Variants in GNL3L observed in about 807,000 individuals in gnomAD.
GNL3L encodes G protein nucleolar 3 like, also known as guanine nucleotide-binding protein-like 3-like protein.
Under a neutral mutation model 42.9 loss-of-function variants are expected in GNL3L, and 4 were observed. The observed-to-expected ratio is 0.09, with a 90% confidence interval of 0.05 to 0.21. The LOEUF is 0.21. GNL3L is among the 10% of genes least tolerant of loss of function. The pLI is 1.00. For missense variants in GNL3L, 412 were observed against 481.7 expected, an observed-to-expected ratio of 0.86 and a Z score of 1.36; for synonymous variants, 159 against 176.3, an observed-to-expected ratio of 0.90 and a Z score of 0.78.
At chrX:54,589,083 G>T (rs1329531872) in intron 16 of GNL3L, among the ~76,000 whole-genome samples, 2 of 110,790 alleles carry the variant, frequency 1.8e-5, no homozygotes, top group Non-Finnish European at 3.8e-5. Flanking sequence ...GAGATGTTTT[G>T]ATACAGGCAT....
chrX:54,631,448 T>C, the GNL3L span, among the ~76,000 whole-genome samples: 44 of 111,086 alleles, frequency 4.0e-4, no homozygotes, highest in Non-Finnish European at 7.0e-4. Context: ...AGCACTTATA[T>C]ATAAAAGTGC....
rs769448245 is a variant in GNL3L, at chrX:54,565,715, C to CT, written c.*5115dup. Among the ~76,000 whole-genome samples, 1,008 of 109,777 alleles carry CT rather than the reference C, an allele frequency of 9.2e-3. 4 individuals are homozygous for CT. The highest frequency in any genetic ancestry group is 0.014 in the Non-Finnish European group (747 of 52,815). Reference sequence around the variant, plus strand: ...TAATGATTTGAGCATATTTTATATGCTTATTTGCTATCTACATATCTTCTT... The same window carrying CT: ...TAATGATTTGAGCATATTTTATATGCTTTATTTGCTATCTACATATCTTCTT... On this transcript the variant is annotated 3_prime_UTR_variant, in exon 16 of 16. Coordinates refer to ENST00000360845, the MANE Select transcript of GNL3L (RefSeq NM_001184819.2).
intron 16 of GNL3L, among the ~76,000 whole-genome samples, chrX:54,586,929 C>T (rs764141665): frequency 3.6e-5 from 4 of 111,830 alleles, no homozygotes; most frequent in Non-Finnish European, 5.6e-5. Context: ...CCCACCTACA[C>T]GACCCACCTG....
chrX:54,625,824 ACAAAG>A (rs1445404794), downstream of GNL3L, among the ~76,000 whole-genome samples: 2 of 111,146 alleles, frequency 1.8e-5, no homozygotes, highest in Non-Finnish European at 3.8e-5. Flanking sequence ...TCGGACAATG[ACAAAG>A]CAGAAAAAGT....
the GNL3L span, among the ~76,000 whole-genome samples, chrX:54,635,734 TAAAA>T: frequency 1.1e-5 from 1 of 90,803 alleles, no homozygotes; most frequent in Non-Finnish European, 2.2e-5. Context: ...TGTCAGGAAC[TAAAA>T]AAAAAAAAAA....
At chrX:54,531,108 A>T (rs1924231201) in intron 1 of GNL3L, among the ~76,000 whole-genome samples, 2 of 111,418 alleles carry the variant, frequency 1.8e-5, no homozygotes, top group South Asian at 7.4e-4. Context: ...TTTTCGAAGC[A>T]CCCAACATGC....
chrX:54,608,344 A>G (rs1398260321), intron 16 of GNL3L, among the ~76,000 whole-genome samples: 2 of 111,650 alleles, frequency 1.8e-5, no homozygotes, highest in African/African-American at 6.5e-5. Flanking sequence ...AAAACTAACA[A>G]TTTTATTTAT....
At chrX:54,569,859 A>AT (rs1925518557), downstream of GNL3L, among the ~76,000 whole-genome samples, 1 of 112,102 alleles carries the variant, frequency 8.9e-6, no homozygotes, top group African/African-American at 3.2e-5. Flanking sequence ...ATATTTGGAC[A>AT]TTTTCCAGAG....
chrX:54,577,251 G>A (rs756174311), intron 16 of GNL3L, among the ~76,000 whole-genome samples: 2 of 112,076 alleles, frequency 1.8e-5, no homozygotes, highest in Non-Finnish European at 3.8e-5. Context: ...ATTTAAGACT[G>A]AATCATACCC....
At chrX:54,612,425 A>G (rs1259013390) in intron 16 of GNL3L, among the ~76,000 whole-genome samples, 1 of 111,862 alleles carries the variant, frequency 8.9e-6, no homozygotes, top group East Asian at 2.8e-4. Context: ...TTGAAATGTG[A>G]GGTACTGTTA....
At chrX:54,640,525 C>T in the GNL3L span, among the ~76,000 whole-genome samples, 1 of 112,153 alleles carries the variant, frequency 8.9e-6, no homozygotes, top group Non-Finnish European at 1.9e-5. Context: ...CATTAGACAG[C>T]TGTGCCACAA....
Position 54,564,402 on chromosome X carries a change from CTTTTT to C in GNL3L, c.*3816_*3820del, listed in dbSNP as rs567172499. Among the ~76,000 whole-genome samples, 2 of 80,810 alleles carry C rather than the reference CTTTTT, an allele frequency of 2.5e-5. No individual in the cohort carries two copies. Among genetic ancestry groups the C allele is most frequent in the African/African-American group, 5.0e-5 (1 of 20,058 alleles). 70.2% of individuals were successfully genotyped at this position (80,810 alleles called of 115,157 possible). ...AGTCACTGGTTTTTTTCTTCGTTCT[CTTTTT>C]TTTTTTTTTTTTTTTGAGACAGAGT... On this transcript the variant is annotated 3_prime_UTR_variant, in exon 16 of 16. Transcript: ENST00000360845.
At chrX:54,554,447 AG>A in intron 13 of GNL3L, 117 bp from the exon 14 acceptor site, 1 of 660,753 alleles carries the variant, frequency 1.5e-6, no homozygotes, top group African/African-American at 2.2e-5. Context: ...GGAGTGAAAA[AG>A]TTCCTGCACC....
At chrX:54,554,856 A>G (rs1158613485) in intron 14 of GNL3L, among the ~76,000 whole-genome samples, 164 bp downstream of exon 14, 1 of 109,766 alleles carries the variant, frequency 9.1e-6, no homozygotes, top group East Asian at 2.9e-4. Context: ...AAGCAATGAC[A>G]GGTCCAGGAA....
chrX:54,553,472 C>G (rs1028913131), intron 13 of GNL3L, among the ~76,000 whole-genome samples: 2 of 111,968 alleles, frequency 1.8e-5, no homozygotes, highest in Non-Finnish European at 1.9e-5. Context: ...GTTAAGAGGA[C>G]TTGCCTGCTT....
chrX:54,577,130 A>G (rs1925647356), intron 16 of GNL3L, among the ~76,000 whole-genome samples: 2 of 112,249 alleles, frequency 1.8e-5, no homozygotes, highest in Non-Finnish European at 3.8e-5. Flanking sequence ...TATTCTAGGA[A>G]TCACAAATAA....
the GNL3L span, among the ~76,000 whole-genome samples, chrX:54,643,965 A>AT: frequency 8.9e-6 from 1 of 112,540 alleles, no homozygotes; most frequent in African/African-American, 3.2e-5. Flanking sequence ...GTATGGCTGA[A>AT]TAATATTCAA....
chrX:54,539,757 T>C (rs1924552521), intron 3 of GNL3L, among the ~76,000 whole-genome samples: 1 of 111,668 alleles, frequency 9.0e-6, no homozygotes, highest in Admixed American at 9.6e-5. Context: ...ACCACTCTTT[T>C]GAGAGTCACT....
chrX:54,554,793 GTTC>G, intron 14 of GNL3L, 101 bp downstream of exon 14: 4 of 722,744 alleles, frequency 5.5e-6, no homozygotes, highest in Middle Eastern at 3.5e-4. Context: ...GATGTGGGTA[GTTC>G]ACTCGCTCCC....
Sources: allele counts gnomAD v4.1 joint callset (sites outside exome capture counted in the v4.1 genomes callset), GRCh38; gene constraint gnomAD v4.1.1; transcripts MANE v1.5; gene names NCBI Gene and HGNC (gene_info 2026-07-23, HGNC 2026-07-21).